MTHFD1L: variants seen among roughly 807,000 people sequenced by gnomAD.
MTHFD1L encodes the protein methylenetetrahydrofolate dehydrogenase (NADP+ dependent) 1 like, also known as monofunctional C1-tetrahydrofolate synthase, mitochondrial.
Under a neutral mutation model 119.5 loss-of-function variants are expected in MTHFD1L, and 81 were observed. The ratio of observed to expected loss-of-function variants is 0.68; its 90% CI spans 0.57 to 0.82. MTHFD1L has a LOEUF of 0.82. MTHFD1L is among the 40% of genes least tolerant of loss of function. The probability of loss-of-function intolerance (pLI) is 0.00; values close to 1 mark genes in which losing one functional copy is unlikely to be tolerated. For missense variants in MTHFD1L, 1,125 were observed against 1,253.4 expected (o/e 0.90, Z 1.55); for synonymous variants, 430 against 475.2 (o/e 0.90, Z 1.24).
At chr6:151,097,481 T>A (rs1348781016) in intron 27 of MTHFD1L, among the ~76,000 whole-genome samples, 1 of 152,210 alleles carries the variant, frequency 6.6e-6, no homozygotes, top group Non-Finnish European at 1.5e-5. Flanking sequence ...GAAGTTATTA[T>A]GTGAAATAAG....
chr6:150,923,054 G>A (rs901288373), intron 10 of MTHFD1L, among the ~76,000 whole-genome samples: 4 of 152,102 alleles, frequency 2.6e-5, no homozygotes, highest in Non-Finnish European at 4.4e-5. Context: ...TGCCCAACAC[G>A]TATATATCCG....
chr6:151,028,016 G>T (rs1784819240), intron 24 of MTHFD1L, among the ~76,000 whole-genome samples: 1 of 152,166 alleles, frequency 6.6e-6, no homozygotes, highest in African/African-American at 2.4e-5. Flanking sequence ...TGGTGGCGAG[G>T]TTGAGGCCAA....
intron 7 of MTHFD1L, among the ~76,000 whole-genome samples, chr6:150,893,474 A>C (rs1435588848): frequency 6.6e-6 from 1 of 152,150 alleles, no homozygotes; most frequent in East Asian, 1.9e-4. Context: ...AGTTAAGGAA[A>C]AAAGAGAATA....
At chr6:150,897,042 G>A (rs530668684) in intron 7 of MTHFD1L, among the ~76,000 whole-genome samples, 3 of 152,188 alleles carry the variant, frequency 2.0e-5, no homozygotes, top group East Asian at 1.9e-4. Context: ...GCATGAACCC[G>A]GGAGGTGGAG....
chr6:150,866,181 C>A lies in MTHFD1L; in HGVS notation c.227+132C>A. On this transcript the variant is annotated intron_variant, in intron 1 of 27. Transcript: ENST00000367321. ...GTTTGGTGCCAACTCATTAGGGGGG[C>A]CGGGCGGTGTGTCGGGAAACGCGGG... 5.1e-6 allele frequency: 7 copies of A among 1,360,732 alleles called. 1 individual carries two copies. Among genetic ancestry groups the A allele is most frequent in the East Asian group, 3.0e-5 (1 of 33,250 alleles). 84.3% of individuals were successfully genotyped at this position (1,360,732 alleles called of 1,614,324 possible).
At chr6:151,040,943 T>C (rs6928037) in intron 26 of MTHFD1L, among the ~76,000 whole-genome samples, 109,462 of 152,070 alleles carry the variant, frequency 0.72, 39,860 homozygotes, top group Non-Finnish European at 0.74. Context: ...AAAATGAATG[T>C]GTGGAATGGC....
At chr6:151,100,034 CTTT>C (rs377326942) in intron 27 of MTHFD1L, 3,204 of 458,620 alleles carry the variant, frequency 7.0e-3, no homozygotes, top group Middle Eastern at 0.014. Flanking sequence ...TCTTTCTTTT[CTTT>C]TTTTTTTTTT....
chr6:150,894,483 C>T (rs953320148), intron 7 of MTHFD1L, among the ~76,000 whole-genome samples: 1 of 152,138 alleles, frequency 6.6e-6, no homozygotes, highest in Non-Finnish European at 1.5e-5. Flanking sequence ...AGAGCAGGTG[C>T]CCAGCTTTGG....
At chr6:150,954,974 AC>A (rs1795402489) in intron 16 of MTHFD1L, among the ~76,000 whole-genome samples, 1 of 151,474 alleles carries the variant, frequency 6.6e-6, no homozygotes, top group African/African-American at 2.4e-5. Flanking sequence ...TTCACCATTC[AC>A]CCCCGCCACC....
chr6:150,979,038 G>A (rs530156358), intron 20 of MTHFD1L, among the ~76,000 whole-genome samples: 22 of 152,246 alleles, frequency 1.4e-4, no homozygotes, highest in Middle Eastern at 3.4e-3. Context: ...TCAGGAGTTC[G>A]AGACTAGCCT....
At chr6:151,045,102 AG>A (rs1248609552) in intron 26 of MTHFD1L, among the ~76,000 whole-genome samples, 2 of 152,120 alleles carry the variant, frequency 1.3e-5, no homozygotes, top group African/African-American at 4.8e-5. Flanking sequence ...GGCCCTACTT[AG>A]GGATGCACGG....
At chr6:151,091,396 C>G (rs1449241507) in intron 26 of MTHFD1L, among the ~76,000 whole-genome samples, 1 of 152,158 alleles carries the variant, frequency 6.6e-6, no homozygotes, top group African/African-American at 2.4e-5. Context: ...GATCTAGACC[C>G]TGGAGCAGTG....
intron 11 of MTHFD1L, among the ~76,000 whole-genome samples, chr6:150,932,917 A>T (rs1791399954): frequency 6.6e-6 from 1 of 151,904 alleles, no homozygotes; most frequent in South Asian, 2.1e-4. Context: ...AGAAAGAGAA[A>T]TTAGATTACC....
chr6:150,922,365 C>A, intron 10 of MTHFD1L, 63 bp downstream of exon 10: 1 of 1,338,118 alleles, frequency 7.5e-7, no homozygotes, highest in Non-Finnish European at 1.1e-6. Context: ...CCTAGTTAGT[C>A]ATGGGGGAGA....
intron 20 of MTHFD1L, among the ~76,000 whole-genome samples, chr6:150,995,844 G>A (rs1374602858): frequency 6.6e-6 from 1 of 151,910 alleles, no homozygotes; most frequent in African/African-American, 2.4e-5. Flanking sequence ...TGTATTTTTA[G>A]TAGAGACGGG....
chr6:151,008,679 G>C (rs565963550), intron 20 of MTHFD1L, among the ~76,000 whole-genome samples: 1 of 152,158 alleles, frequency 6.6e-6, no homozygotes, highest in Non-Finnish European at 1.5e-5. Flanking sequence ...GACTAGAAAC[G>C]AGTGTTTTCT....
chr6:150,906,514 G>C (rs1785936484), intron 8 of MTHFD1L, among the ~76,000 whole-genome samples: 1 of 152,230 alleles, frequency 6.6e-6, no homozygotes, highest in Non-Finnish European at 1.5e-5. Flanking sequence ...GCAAGTCCCT[G>C]AGTAGCACAG....
intron 24 of MTHFD1L, among the ~76,000 whole-genome samples, chr6:151,031,135 G>A (rs1447014799): frequency 2.0e-5 from 3 of 152,202 alleles, no homozygotes; most frequent in African/African-American, 7.2e-5. Context: ...AGCTTATACA[G>A]AACCCTCCAG....
chr6:151,027,633 T>C (rs1322358236), intron 24 of MTHFD1L, among the ~76,000 whole-genome samples: 1 of 151,696 alleles, frequency 6.6e-6, no homozygotes, highest in Non-Finnish European at 1.5e-5. Context: ...AGCTTGGCTT[T>C]TTTTTTTTTT....
Sources: gnomAD v4.1 joint callset for allele counts (sites outside exome capture counted in the v4.1 genomes callset) on GRCh38, gnomAD v4.1.1 for gene constraint, MANE v1.5 for transcripts, NCBI Gene and HGNC (gene_info 2026-07-23, HGNC 2026-07-21) for gene names.